The following PPP2R2B variants were observed in gnomAD, a reference collection of about 807,000 sequenced individuals.
PPP2R2B encodes protein phosphatase 2 regulatory subunit Bbeta.
Under a neutral mutation model 46.0 loss-of-function variants are expected in PPP2R2B, and 5 were observed. The ratio of observed to expected loss-of-function variants is 0.11; its 90% CI spans 0.06 to 0.23. The LOEUF (loss-of-function observed/expected upper bound fraction) is 0.23. Ranked by LOEUF, PPP2R2B falls within the 10% of genes least tolerant of loss-of-function variation. The pLI, the probability that PPP2R2B is intolerant of heterozygous loss-of-function variation, is 1.00. For synonymous variants in PPP2R2B, 215 were observed against 206.7 expected, an observed-to-expected ratio of 1.04 and a Z score of -0.34; for missense variants, 367 against 575.0, an observed-to-expected ratio of 0.64 and a Z score of 3.70.
intron 2 of PPP2R2B, among the ~76,000 whole-genome samples, chr5:146,844,473 T>C (rs1387732200): frequency 6.6e-6 from 1 of 152,144 alleles, no homozygotes; most frequent in Admixed American, 6.5e-5. Context: ...CTACACAAAC[T>C]GTTGGCAGGA....
intron 2 of PPP2R2B, among the ~76,000 whole-genome samples, chr5:146,854,239 T>G (rs1760515057): frequency 6.6e-6 from 1 of 152,168 alleles, no homozygotes; most frequent in Admixed American, 6.6e-5. Flanking sequence ...GCTTCATGTC[T>G]TATACTGCTC....
At chr5:146,732,148 T>A (rs1752270414) in intron 2 of PPP2R2B, among the ~76,000 whole-genome samples, 1 of 152,164 alleles carries the variant, frequency 6.6e-6, no homozygotes, top group Non-Finnish European at 1.5e-5. Flanking sequence ...AAATCACCAC[T>A]CATTTATTCT....
At chr5:146,962,811 A>G (rs1229459723) in intron 1 of PPP2R2B, among the ~76,000 whole-genome samples, 2 of 152,144 alleles carry the variant, frequency 1.3e-5, no homozygotes, top group African/African-American at 2.4e-5. Flanking sequence ...AGATAGTGGC[A>G]GAGCTGGGAC....
chr5:146,873,037 T>C (rs1005866313), intron 2 of PPP2R2B, among the ~76,000 whole-genome samples: 1 of 152,200 alleles, frequency 6.6e-6, no homozygotes, highest in Non-Finnish European at 1.5e-5. Flanking sequence ...GAAATCCAAT[T>C]GTCTACTTGC....
intron 1 of PPP2R2B, among the ~76,000 whole-genome samples, chr5:147,024,909 C>T (rs924225120): frequency 2.0e-4 from 30 of 150,802 alleles, no homozygotes; most frequent in South Asian, 1.7e-3. Flanking sequence ...CATAAGAATA[C>T]GGAAAAAGAA....
intron 5 of PPP2R2B, among the ~76,000 whole-genome samples, chr5:146,666,144 C>T (rs962877542): frequency 2.0e-4 from 31 of 152,154 alleles, no homozygotes; most frequent in African/African-American, 7.5e-4. Context: ...TTTAGAATAT[C>T]TGCAGCTCTT....
chr5:146,744,913 C>T (rs1042319302), intron 2 of PPP2R2B, among the ~76,000 whole-genome samples: 7 of 151,926 alleles, frequency 4.6e-5, no homozygotes, highest in African/African-American at 1.7e-4. Flanking sequence ...GGCCTGTAAA[C>T]CAACAAAAAT....
intron 2 of PPP2R2B, among the ~76,000 whole-genome samples, chr5:146,850,964 A>G (rs1416865555): frequency 2.6e-5 from 4 of 152,168 alleles, no homozygotes; most frequent in African/African-American, 9.7e-5. Context: ...AGAATATGTC[A>G]CTTCACATAA....
At chr5:146,950,565 T>G (rs1764621779) in intron 1 of PPP2R2B, among the ~76,000 whole-genome samples, 1 of 152,006 alleles carries the variant, frequency 6.6e-6, no homozygotes, top group Non-Finnish European at 1.5e-5. Context: ...AGGCCAAACA[T>G]CAGTACTTTT....
At chr5:147,029,651 T>C (rs1218513258) in intron 1 of PPP2R2B, among the ~76,000 whole-genome samples, 1 of 151,896 alleles carries the variant, frequency 6.6e-6, no homozygotes, top group Non-Finnish European at 1.5e-5. Context: ...TTTAAGGAGG[T>C]AAATAAGGTT....
At chr5:146,911,328 C>T (rs559274320) in intron 1 of PPP2R2B, among the ~76,000 whole-genome samples, 1 of 152,266 alleles carries the variant, frequency 6.6e-6, no homozygotes, top group Non-Finnish European at 1.5e-5. Context: ...GTGATCCTCC[C>T]ACCTCAGCCT....
intron 1 of PPP2R2B, among the ~76,000 whole-genome samples, chr5:146,923,115 T>C (rs1201279829): frequency 6.6e-6 from 1 of 151,940 alleles, no homozygotes; most frequent in Non-Finnish European, 1.5e-5. Context: ...TACATGAGAG[T>C]CTAAATTTCT....
chr5:146,800,771 C>G (rs941441448), intron 2 of PPP2R2B, among the ~76,000 whole-genome samples: 8 of 152,016 alleles, frequency 5.3e-5, no homozygotes, highest in Non-Finnish European at 1.0e-4. Flanking sequence ...AATAGGGGGG[C>G]TCTCCAAGGA....
Position 146,740,901 on chromosome 5 carries a change from T to C in PPP2R2B, c.71-39759A>G, listed in dbSNP as rs1752833679. Among the ~76,000 whole-genome samples the C allele has an allele frequency of 2.6e-5, 4 of 152,020 alleles. No homozygotes were observed. The South Asian group carries it at 8.3e-4, about 32-fold the overall frequency. On this transcript the variant is annotated intron_variant, in intron 2 of 9. Coordinates refer to ENST00000394411, the MANE Select transcript of PPP2R2B (RefSeq NM_181675.4). ...GCTCACAATCACCAAAGGAACACAT[T>C]AAAAATGCAGATTCCATCCCAGCTA...
At chr5:146,709,467 G>T (rs1347317341) in intron 2 of PPP2R2B, among the ~76,000 whole-genome samples, 1 of 152,162 alleles carries the variant, frequency 6.6e-6, no homozygotes, top group Non-Finnish European at 1.5e-5. Context: ...CTCCCTTGTG[G>T]CTAGGGGTAA....
chr5:146,968,152 G>A (rs1434548534), intron 1 of PPP2R2B, among the ~76,000 whole-genome samples: 1 of 152,114 alleles, frequency 6.6e-6, no homozygotes, highest in Non-Finnish European at 1.5e-5. Context: ...AGGGGCTCAG[G>A]CAACACTCAA....
chr5:146,915,584 G>A (rs1763357735), intron 1 of PPP2R2B, among the ~76,000 whole-genome samples: 1 of 152,108 alleles, frequency 6.6e-6, no homozygotes, highest in Non-Finnish European at 1.5e-5. Flanking sequence ...TCCTGAAGAT[G>A]TTGTTCCTTT....
chr5:146,985,920 A>C (rs1341422380), intron 1 of PPP2R2B, among the ~76,000 whole-genome samples: 1 of 152,230 alleles, frequency 6.6e-6, no homozygotes, highest in Non-Finnish European at 1.5e-5. Context: ...CAAAAACAAC[A>C]AACTATACAA....
intron 1 of PPP2R2B, among the ~76,000 whole-genome samples, chr5:147,043,911 G>T (rs1188714446): frequency 2.0e-5 from 3 of 151,932 alleles, no homozygotes; most frequent in South Asian, 2.1e-4. Flanking sequence ...AGCCTACCTG[G>T]GTCCAAATCC....
Sources: allele counts gnomAD v4.1 joint callset (sites outside exome capture counted in the v4.1 genomes callset), GRCh38; gene constraint gnomAD v4.1.1; transcripts MANE v1.5; gene names NCBI Gene and HGNC (gene_info 2026-07-23, HGNC 2026-07-21).